The following MLIP variants were observed in gnomAD, a reference collection of about 807,000 sequenced individuals.
MLIP encodes muscular LMNA interacting protein.
MLIP carries 79 observed loss-of-function variants against 84.8 expected under a neutral mutation model. The observed-to-expected ratio is 0.93, with a 90% CI of 0.78 to 1.12. MLIP has a LOEUF of 1.12. Among genes scored for constraint, MLIP ranks in the 50% most tolerant of loss-of-function variants. The pLI, the probability that MLIP is intolerant of heterozygous loss-of-function variation, is 0.00. For synonymous variants in MLIP, 504 were observed against 463.0 expected (o/e 1.09, Z -1.14); for missense variants, 1,257 against 1,160.6 (o/e 1.08, Z -1.21).
chr6:54,170,912 A>AC (rs1775704216), intron 9 of MLIP, among the ~76,000 whole-genome samples: 2 of 151,492 alleles, frequency 1.3e-5, no homozygotes, highest in South Asian at 4.1e-4. Flanking sequence ...GGTACAAGAA[A>AC]AGAAAGTTTC....
At chr6:54,097,582 T>C (rs1262253715) in intron 1 of MLIP, among the ~76,000 whole-genome samples, 2 of 152,028 alleles carry the variant, frequency 1.3e-5, no homozygotes, top group Non-Finnish European at 2.9e-5. Context: ...GTCTTGAAAA[T>C]GATGGTGGCA....
At chr6:54,117,729 G>A (rs540138073) in intron 1 of MLIP, among the ~76,000 whole-genome samples, 8 of 151,294 alleles carry the variant, frequency 5.3e-5, no homozygotes, top group East Asian at 4.0e-4. Flanking sequence ...GGCGGATCAC[G>A]AGATCAGGAG....
rs143236070 is a variant in MLIP at position 54,151,944 on chromosome 6, A to G, written c.2289+2817A>G. 2.0e-3 allele frequency among the ~76,000 whole-genome samples: 308 copies of G among 152,254 alleles called. 2 individuals are homozygous for G. Among genetic ancestry groups the G allele is most frequent in the African/African-American group, 7.1e-3 (294 of 41,562 alleles). ...TGAAGCCCATCATTTTTAAAAGAGT[A>G]CACTTTGTTGGCAGGGAACATGAGG... On this transcript the variant is annotated intron_variant, in intron 5 of 13. Coordinates refer to ENST00000502396, the MANE Select transcript of MLIP (RefSeq NM_001281747.2).
chr6:54,079,964 T>C (rs776058505), intron 1 of MLIP, among the ~76,000 whole-genome samples: 25 of 152,160 alleles, frequency 1.6e-4, no homozygotes, highest in Admixed American at 4.6e-4. Flanking sequence ...TTAGTGGAGG[T>C]GGACTGCAGC....
intron 8 of MLIP, among the ~76,000 whole-genome samples, chr6:54,162,738 A>G (rs946649571): frequency 2.6e-5 from 4 of 151,978 alleles, no homozygotes; most frequent in African/African-American, 2.4e-5. Flanking sequence ...GGTTATGTCA[A>G]TTTTAGACAA....
chr6:54,209,421 G>A lies in MLIP; in HGVS notation c.2718+7188G>A, dbSNP rs913726789. On this transcript the variant is annotated intron_variant, in intron 11 of 13. Transcript: ENST00000502396. ...GACAGCTTGTGAAGTTCAGCCTATG[G>A]AGAACAGAATCAAGCTAGTGATGCA... Among the ~76,000 whole-genome samples the A allele has an allele frequency of 7.2e-5, 11 of 152,126 alleles. 1 individual carries two copies. Among genetic ancestry groups the A allele is most frequent in the Admixed American group, 2.0e-4 (3 of 15,276 alleles).
At chr6:54,047,486 G>A (rs1413877260) in intron 1 of MLIP, 1 of 152,170 alleles carries the variant, frequency 6.6e-6, no homozygotes, top group Non-Finnish European at 1.5e-5. Context: ...AAGAGAATAA[G>A]TACCGCTTTA....
intron 1 of MLIP, among the ~76,000 whole-genome samples, chr6:54,030,134 T>A (rs1764042172): frequency 6.6e-6 from 1 of 152,236 alleles, no homozygotes; most frequent in Non-Finnish European, 1.5e-5. Flanking sequence ...CAATGCTTAC[T>A]TTCCCACTAG....
intron 13 of MLIP, among the ~76,000 whole-genome samples, chr6:54,258,577 G>T (rs576879576): frequency 1.7e-4 from 26 of 152,094 alleles, no homozygotes; most frequent in Non-Finnish European, 2.8e-4. Context: ...GAAAATTGTA[G>T]TAATTTACCA....
In MLIP at chr6:54,216,917, C is replaced by T. The variant is rs967442496; in HGVS notation, c.2719-13797C>T. On this transcript the variant is annotated intron_variant, in intron 11 of 13. Coordinates refer to ENST00000502396, the MANE Select transcript of MLIP (RefSeq NM_001281747.2). ...TGTTGGTGTCTTTAGATAAAGGGGTCGCTCTTTAAGAAAATATTACTACTG... is the reference window on the plus strand; with the variant it reads ...TGTTGGTGTCTTTAGATAAAGGGGTTGCTCTTTAAGAAAATATTACTACTG... The T allele has an allele frequency of 7.1e-6, 7 of 985,016 alleles. No homozygotes were observed. The African/African-American group carries it at 8.7e-5, about 12-fold the overall frequency. The allele number at this position is 985,016 out of a possible 1,614,324, so 61.0% of individuals were successfully genotyped here.
chr6:54,086,181 C>G (rs1297443280), intron 1 of MLIP, among the ~76,000 whole-genome samples: 1 of 152,148 alleles, frequency 6.6e-6, no homozygotes, highest in South Asian at 2.1e-4. Flanking sequence ...CTAGGTAATA[C>G]GATTCAATCT....
At chr6:54,213,158 T>C (rs1205031274) in intron 11 of MLIP, among the ~76,000 whole-genome samples, 7 of 152,170 alleles carry the variant, frequency 4.6e-5, no homozygotes, top group Admixed American at 2.6e-4. Flanking sequence ...TAAATCTCTC[T>C]CTGGAAAGTG....
chr6:54,032,118 T>C lies in MLIP; in HGVS notation c.63+13027T>C, dbSNP rs551416317. On this transcript the variant is annotated intron_variant, in intron 1 of 12. Transcript: ENST00000274897. ...GGAGAGTTCTATTTTTTTCATGCTA[T>C]GTTTGATGATTAATTTGGCCTCATT... Among the ~76,000 whole-genome samples, 10 of 152,240 alleles carry C rather than the reference T, an allele frequency of 6.6e-5. No homozygotes were observed. The East Asian group carries it at 1.2e-3, about 18-fold the overall frequency.
chr6:54,128,533 C>T (rs530155781), intron 3 of MLIP, among the ~76,000 whole-genome samples: 1 of 152,044 alleles, frequency 6.6e-6, no homozygotes, highest in South Asian at 2.1e-4. Flanking sequence ...GAATATAAAA[C>T]AAGGTAAAAT....
chr6:54,057,884 A>G (rs1765752909), intron 1 of MLIP: 1 of 152,218 alleles, frequency 6.6e-6, no homozygotes, highest in South Asian at 2.1e-4. Context: ...CAGAGAGGCA[A>G]AAATAGAGAC....
At chr6:54,185,957 A>G (rs1356628026) in intron 9 of MLIP, among the ~76,000 whole-genome samples, 1 of 152,218 alleles carries the variant, frequency 6.6e-6, no homozygotes, top group African/African-American at 2.4e-5. Flanking sequence ...CAGCAATTAG[A>G]GAAGCGGAGC....
chr6:54,087,096 C>T lies in MLIP; in HGVS notation c.64-34351C>T, dbSNP rs1767545138. ...GTATCCCCAGGATCTAGGATAACAC[C>T]TGGCACCTAGCCAGTGCTCAGTCAA... On this transcript the variant is annotated intron_variant, in intron 1 of 12. Transcript: ENST00000274897. 2.0e-5 allele frequency among the ~76,000 whole-genome samples: 3 copies of T among 152,164 alleles called. No homozygotes were observed. In the South Asian group the frequency reaches 6.2e-4, roughly 31 times the overall value.
chr6:54,160,920 T>C (rs917666989), intron 8 of MLIP, 121 bp downstream of exon 8: 31 of 766,004 alleles, frequency 4.0e-5, no homozygotes, highest in African/African-American at 2.1e-4. Context: ...GCAATCAGTC[T>C]TTTTTGTAGA....
At chr6:54,108,665 GAC>G (rs769569697), upstream of MLIP, among the ~76,000 whole-genome samples, 3 of 152,114 alleles carry the variant, frequency 2.0e-5, no homozygotes, top group Non-Finnish European at 4.4e-5. Context: ...TTACCAATAA[GAC>G]ACAGAGAAAA....
Sources: gnomAD v4.1 joint callset for allele counts (sites outside exome capture counted in the v4.1 genomes callset) on GRCh38, gnomAD v4.1.1 for gene constraint, MANE v1.5 for transcripts, NCBI Gene and HGNC (gene_info 2026-07-23, HGNC 2026-07-21) for gene names.